ADARB2: variants seen among roughly 807,000 people sequenced by gnomAD.
The protein encoded by ADARB2 is inactive double-stranded RNA-specific editase B2.
Under a neutral mutation model 62.2 loss-of-function variants are expected in ADARB2, and 25 were observed. The ratio of observed to expected loss-of-function variants is 0.40; its 90% CI spans 0.29 to 0.56. ADARB2 has a LOEUF of 0.56. Among genes scored for constraint, ADARB2 ranks in the 20% least tolerant of loss-of-function variants. The pLI, the probability that ADARB2 is intolerant of heterozygous loss-of-function variation, is 0.43. For synonymous variants in ADARB2, 572 were observed against 500.8 expected (o/e 1.14, Z -1.90); for missense variants, 1,071 against 1,077.4 (o/e 0.99, Z 0.08).
chr10:1,264,350 G>C lies in ADARB2; in HGVS notation c.1192+6605C>G, dbSNP rs188917764. On this transcript the variant is annotated intron_variant, in intron 4 of 9. Coordinates refer to ENST00000381312, the MANE Select transcript of ADARB2 (RefSeq NM_018702.4). ...ATTCAGGGGAGACAACGGAAGGAAA[G>C]GTTTTGAAAAATTGGGGGAATAAAC... Among the ~76,000 whole-genome samples, 7 of 152,292 alleles carry C rather than the reference G, an allele frequency of 4.6e-5. No homozygotes were observed. In the East Asian group the frequency reaches 1.2e-3, roughly 25 times the overall value.
At chr10:1,632,459 G>GTGCACACAGA (rs1833855290) in intron 1 of ADARB2, among the ~76,000 whole-genome samples, 2 of 151,990 alleles carry the variant, frequency 1.3e-5, no homozygotes, top group South Asian at 4.2e-4. Flanking sequence ...CACTACACAT[G>GTGCACACAGA]TGCACACACA....
At chr10:1,374,240 T>C (rs2131856912) in intron 2 of ADARB2, among the ~76,000 whole-genome samples, 1 of 152,314 alleles carries the variant, frequency 6.6e-6, no homozygotes, top group South Asian at 2.1e-4. Context: ...TTGGAACTAT[T>C]GATAAATACC....
intron 4 of ADARB2, among the ~76,000 whole-genome samples, chr10:1,244,355 G>A (rs1010649266): frequency 2.6e-5 from 4 of 152,232 alleles, no homozygotes; most frequent in South Asian, 2.1e-4. Flanking sequence ...CAGTGTTCAC[G>A]ACCGGTGCGC....
Position 1,179,718 on chromosome 10 carries a change from A to G in ADARB2, c.*3475T>C, listed in dbSNP as rs1406409009. Reference sequence around the variant, plus strand: ...GACTTTTGTAGGGGCCTAAGCAGGCATGAATATAGACTACAGAAAATCTGA... The same window carrying G: ...GACTTTTGTAGGGGCCTAAGCAGGCGTGAATATAGACTACAGAAAATCTGA... On this transcript the variant is annotated 3_prime_UTR_variant, in exon 10 of 10. Coordinates refer to ENST00000381312, the MANE Select transcript of ADARB2 (RefSeq NM_018702.4). 6.6e-6 allele frequency: 1 copy of G among 152,286 alleles called. No individual in the cohort carries two copies. Among genetic ancestry groups the G allele is most frequent in the Admixed American group, 6.5e-5 (1 of 15,290 alleles). The allele number at this position is 152,286 out of a possible 1,614,324, so 9.4% of individuals were successfully genotyped here. A position where few individuals can be genotyped will look rare whatever the true frequency, so the allele number is the denominator to read the frequency against.
chr10:1,351,022 C>T (rs1033952626), intron 3 of ADARB2, among the ~76,000 whole-genome samples: 2 of 152,114 alleles, frequency 1.3e-5, no homozygotes, highest in East Asian at 3.9e-4. Context: ...AAGCTTGCTA[C>T]AAGTGCCAGA....
chr10:1,523,472 C>A (rs1244329883), intron 1 of ADARB2, among the ~76,000 whole-genome samples: 1 of 152,164 alleles, frequency 6.6e-6, no homozygotes. Context: ...CATCCCACCC[C>A]CTCACATTAG....
At chr10:1,396,130 G>T (rs982444653) in intron 1 of ADARB2, among the ~76,000 whole-genome samples, 1 of 152,212 alleles carries the variant, frequency 6.6e-6, no homozygotes, top group Middle Eastern at 3.2e-3. Flanking sequence ...GCAGGTCAAA[G>T]AGTTAATAGC....
intron 4 of ADARB2, among the ~76,000 whole-genome samples, chr10:1,257,998 A>G (rs528461525): frequency 4.6e-5 from 7 of 152,230 alleles, no homozygotes; most frequent in Admixed American, 3.3e-4. Context: ...GAATATCTTT[A>G]TTATATCTCC....
chr10:1,702,670 C>T (rs1159182708), intron 1 of ADARB2, among the ~76,000 whole-genome samples: 1 of 152,182 alleles, frequency 6.6e-6, no homozygotes, highest in African/African-American at 2.4e-5. Context: ...ACCTTCTGCC[C>T]CCATTCCCCA....
intron 1 of ADARB2, among the ~76,000 whole-genome samples, chr10:1,618,941 TAGA>T (rs1324718074): frequency 1.3e-5 from 2 of 152,152 alleles, no homozygotes; most frequent in Non-Finnish European, 2.9e-5. Flanking sequence ...CTGCAGCTTG[TAGA>T]AGTTCTGTCA....
chr10:1,249,486 G>A (rs1309117855), intron 4 of ADARB2, among the ~76,000 whole-genome samples: 2 of 151,164 alleles, frequency 1.3e-5, no homozygotes, highest in African/African-American at 4.9e-5. Context: ...ACAAAAATAG[G>A]CATAATTACA....
intron 1 of ADARB2, among the ~76,000 whole-genome samples, chr10:1,625,490 G>A (rs186337817): frequency 1.4e-3 from 216 of 152,262 alleles, no homozygotes; most frequent in African/African-American, 5.0e-3. Flanking sequence ...ACAGACGGCA[G>A]GGAATGTTCC....
intron 1 of ADARB2, among the ~76,000 whole-genome samples, chr10:1,587,803 C>G (rs1833199463): frequency 6.6e-6 from 1 of 152,048 alleles, no homozygotes; most frequent in Non-Finnish European, 1.5e-5. Context: ...GGGGGCGGTT[C>G]CCCCTGTACT....
Position 1,380,840 on chromosome 10 carries a change from G to A in ADARB2, c.101-1680C>T, listed in dbSNP as rs1474400872. ...TGCTTGAATTATAATTTCATTAAGG[G>A]AGTCCAATAATGTTACACTAAGAGT... On this transcript the variant is annotated intron_variant, in intron 1 of 9. Transcript: ENST00000381312. 2.6e-5 allele frequency among the ~76,000 whole-genome samples: 4 copies of A among 152,178 alleles called. No individual in the cohort carries two copies. In the East Asian group the frequency reaches 7.7e-4, roughly 29 times the overall value.
chr10:1,296,414 G>A (rs1831523579), intron 3 of ADARB2, among the ~76,000 whole-genome samples: 3 of 152,162 alleles, frequency 2.0e-5, no homozygotes, highest in Non-Finnish European at 4.4e-5. Flanking sequence ...ATTATCGGAG[G>A]ACAGGACTGA....
intron 1 of ADARB2, among the ~76,000 whole-genome samples, chr10:1,659,532 G>A (rs1218485868): frequency 6.6e-6 from 1 of 152,216 alleles, no homozygotes; most frequent in South Asian, 2.1e-4. Context: ...TGCCGGCCCC[G>A]GTCACTTTAG....
chr10:1,678,838 C>A, intron 1 of ADARB2, among the ~76,000 whole-genome samples: 1 of 152,138 alleles, frequency 6.6e-6, no homozygotes, highest in East Asian at 1.9e-4. Context: ...CTCCCGGGCA[C>A]TTGTCCCTCC....
At chr10:1,416,841 G>A (rs886291173) in intron 1 of ADARB2, among the ~76,000 whole-genome samples, 10 of 152,250 alleles carry the variant, frequency 6.6e-5, no homozygotes, top group African/African-American at 2.4e-4. Context: ...CATTGGCAGC[G>A]CCCAGCTTGC....
At chr10:1,348,048 G>A (rs955770593) in intron 3 of ADARB2, among the ~76,000 whole-genome samples, 2 of 151,818 alleles carry the variant, frequency 1.3e-5, no homozygotes, top group African/African-American at 4.8e-5. Context: ...AGACAGAAGA[G>A]GGAGACAGAG....
Sources: allele counts gnomAD v4.1 joint callset (sites outside exome capture counted in the v4.1 genomes callset), GRCh38; gene constraint gnomAD v4.1.1; transcripts MANE v1.5; gene names NCBI Gene and HGNC (gene_info 2026-07-23, HGNC 2026-07-21).